CLIP1: variants seen among roughly 807,000 people sequenced by gnomAD.
CLIP1 encodes CAP-Gly domain-containing linker protein 1.
CLIP1 carries 66 observed loss-of-function variants against 161.6 expected under a neutral mutation model. That is an observed-to-expected ratio of 0.41 (90% CI 0.33 to 0.50). CLIP1 has a LOEUF of 0.50. CLIP1 is among the 20% of genes least tolerant of loss of function. CLIP1 has a pLI of 0.27. For synonymous variants in CLIP1, 598 were observed against 626.2 expected (o/e 0.96, Z 0.67); for missense variants, 1,376 against 1,702.0 (o/e 0.81, Z 3.37).
chr12:122,288,960 C>T (rs1413752567), intron 20 of CLIP1, among the ~76,000 whole-genome samples: 1 of 149,678 alleles, frequency 6.7e-6, no homozygotes, highest in Non-Finnish European at 1.5e-5. Flanking sequence ...GGACTACAGG[C>T]GCCCGCCACA....
At chr12:122,313,781 G>T (rs1479890422) in intron 19 of CLIP1, among the ~76,000 whole-genome samples, 3 of 152,134 alleles carry the variant, frequency 2.0e-5, no homozygotes, top group Non-Finnish European at 4.4e-5. Flanking sequence ...ACCACACTGA[G>T]GGTAGGTGAC....
At chr12:122,339,213 A>G (rs1952378786) in intron 11 of CLIP1, among the ~76,000 whole-genome samples, 1 of 152,216 alleles carries the variant, frequency 6.6e-6, no homozygotes, top group Non-Finnish European at 1.5e-5. Context: ...TTCCCCCAGA[A>G]AAGGAGGGGA....
At position 122,328,160 on chromosome 12, in the gene CLIP1, T is replaced by C; in HGVS notation, c.3036A>G (p.Glu1012=). 6.2e-7 allele frequency: 1 copy of C among 1,614,142 alleles called. No homozygotes were observed. Among genetic ancestry groups the C allele is most frequent in the Non-Finnish European group, 8.5e-7 (1 of 1,180,038 alleles). Residue 1012 remains glutamate (E), a splice_region_variant and synonymous_variant, in exon 17 of 26, where the codon GAA becomes GAG. Coordinates refer to ENST00000620786, the MANE Select transcript of CLIP1 (RefSeq NM_001247997.2). ...KELERKLSDL[E]KKMETSHNQC... ...GGTTGTGGCTTGTTTCCATTTTCTT[T>C]TCCTGCAGAGACCCCGAATGAGGGA...
intron 10 of CLIP1, among the ~76,000 whole-genome samples, chr12:122,346,979 A>T (rs1004933772): frequency 5.3e-5 from 8 of 152,256 alleles, no homozygotes; most frequent in African/African-American, 1.9e-4. Context: ...AAAGTAAAAC[A>T]ACAATAACAA....
At chr12:122,309,676 G>A in intron 20 of CLIP1, 86 bp downstream of exon 20, 1 of 1,516,590 alleles carries the variant, frequency 6.6e-7, no homozygotes, top group African/African-American at 1.4e-5. Context: ...ACACTGAGCA[G>A]ACCTCCGAGT....
At chr12:122,335,931 G>A (rs889648341) in intron 12 of CLIP1, among the ~76,000 whole-genome samples, 4 of 152,128 alleles carry the variant, frequency 2.6e-5, no homozygotes, top group African/African-American at 7.2e-5. Flanking sequence ...CATATACCTC[G>A]TCTAGTTTCT....
At chr12:122,285,846 T>C (rs1031899965) in intron 21 of CLIP1, among the ~76,000 whole-genome samples, 2 of 151,914 alleles carry the variant, frequency 1.3e-5, no homozygotes, top group African/African-American at 2.4e-5. Flanking sequence ...GATAACTCCT[T>C]ACATAAGGGT....
At chr12:122,409,716 G>A (rs2098265105) in intron 1 of CLIP1, among the ~76,000 whole-genome samples, 1 of 151,022 alleles carries the variant, frequency 6.6e-6, no homozygotes, top group African/African-American at 2.4e-5. Context: ...ATTTTTAGTA[G>A]AGACAGGCTT....
intron 4 of CLIP1, among the ~76,000 whole-genome samples, chr12:122,361,558 G>C (rs1953808563): frequency 6.6e-6 from 1 of 152,202 alleles, no homozygotes; most frequent in Non-Finnish European, 1.5e-5. Context: ...ACCTAACTTT[G>C]GCAGATCCAT....
In CLIP1 at chr12:122,347,423, A is replaced by C. The variant is rs899229922; in HGVS notation, c.1458T>G (p.Phe486Leu). ...GGAGTTTGTCAGCTTTGGTCTTTTC[A>C]AAGAGCAGGCTCTGTTCAAGCTCCT... Reference protein sequence around the residue: ...RIKELEQSLLFEKTKADKLQR... With the variant: ...RIKELEQSLLLEKTKADKLQR... Residue 486 changes from phenylalanine (F) to leucine (L), a missense_variant, in exon 10 of 26, where the codon TTT (phenylalanine) becomes TTG (leucine). By Grantham distance (22) the Phe-to-Leu change is conservative. Coordinates refer to ENST00000620786, the MANE Select transcript of CLIP1 (RefSeq NM_001247997.2). 1.2e-6 allele frequency: 2 copies of C among 1,613,824 alleles called. No individual in the cohort carries two copies. The highest frequency in any genetic ancestry group is 2.7e-5 in the African/African-American group (2 of 74,936).
At chr12:122,397,674 T>C (rs1955973418) in intron 1 of CLIP1, among the ~76,000 whole-genome samples, 1 of 148,822 alleles carries the variant, frequency 6.7e-6, no homozygotes, top group African/African-American at 2.5e-5. Context: ...AATCAACTTA[T>C]CGGCCACGCA....
At position 122,279,254 on chromosome 12, in the gene CLIP1, ATAT is replaced by A; in HGVS notation, c.3648-112_3648-110del. The A allele has an allele frequency of 1.4e-6, 1 of 710,900 alleles. No homozygotes were observed. The allele number at this position is 710,900 out of a possible 1,614,324, so 44.0% of individuals were successfully genotyped here. On this transcript the variant is annotated intron_variant, in intron 21 of 25. Transcript: ENST00000620786. This position sits in a 1 kb window ranked among gnomAD's most constrained non-coding sequence, Gnocchi z 4.5. The stretch of plus-strand genomic sequence containing the variant: ...AATGTTAGTTAATGTAAAAAAAAAA[ATAT>A]AACAGGGAAGTTTTATAGGGAGTTA...
chr12:122,365,678 A>T, intron 3 of CLIP1: 8 of 154,282 alleles, frequency 5.2e-5, no homozygotes, highest in Admixed American at 1.7e-4. Flanking sequence ...TGGGCTATTT[A>T]AAAAAAAAAA....
intron 24 of CLIP1, chr12:122,274,395 G>A: frequency 2.5e-6 from 1 of 401,682 alleles, no homozygotes; most frequent in East Asian, 4.4e-5. Flanking sequence ...GGCTATGGCA[G>A]TTTCTTTTAC....
In CLIP1 at chr12:122,351,104, C is replaced by A; in HGVS notation, c.1401+7G>T. 6.5e-7 allele frequency: 1 copy of A among 1,534,854 alleles called. No homozygotes were observed. Among genetic ancestry groups the A allele is most frequent in the Non-Finnish European group, 8.7e-7 (1 of 1,146,100 alleles). ...GGAAATATCCACACAGTTAAGTGCC[C>A]TCTTACATTCTCAGGATCTTCAGAA... On this transcript the variant is annotated splice_region_variant and intron_variant, in intron 9 of 25. Coordinates refer to ENST00000620786, the MANE Select transcript of CLIP1 (RefSeq NM_001247997.2).
chr12:122,343,934 T>C (rs567558084), intron 10 of CLIP1: 3 of 152,368 alleles, frequency 2.0e-5, no homozygotes, highest in Admixed American at 2.0e-4. Context: ...ACTCCTGTGA[T>C]TGGCTGGGTG....
chr12:122,300,810 T>A (rs1439547252), intron 20 of CLIP1, among the ~76,000 whole-genome samples: 1 of 152,208 alleles, frequency 6.6e-6, no homozygotes, highest in Non-Finnish European at 1.5e-5. Flanking sequence ...TATTTTTTTC[T>A]ACTTTTTTTC....
chr12:122,343,947 G>C (rs1224927057), intron 10 of CLIP1: 2 of 152,238 alleles, frequency 1.3e-5, no homozygotes, highest in Non-Finnish European at 2.9e-5. Context: ...GCTGGGTGAG[G>C]TGGTACATGC....
At chr12:122,307,535 TCTGTAGTA>T (rs1950918992) in intron 20 of CLIP1, among the ~76,000 whole-genome samples, 1 of 152,220 alleles carries the variant, frequency 6.6e-6, no homozygotes. Flanking sequence ...AGCAAATTTT[TCTGTAGTA>T]CTACAACTAA....
Sources: allele counts gnomAD v4.1 joint callset (sites outside exome capture counted in the v4.1 genomes callset), GRCh38; gene constraint gnomAD v4.1.1; non-coding constraint Gnocchi (gnomAD v3.1); transcripts MANE v1.5; gene names NCBI Gene and HGNC (gene_info 2026-07-23, HGNC 2026-07-21).